ADGRB3: variants seen among roughly 807,000 people sequenced by gnomAD.
ADGRB3 encodes the protein adhesion G protein-coupled receptor B3, also known as brain-specific angiogenesis inhibitor 3.
ADGRB3 carries 37 observed loss-of-function variants against 193.4 expected under a neutral mutation model. The observed-to-expected ratio is 0.19, with a 90% CI of 0.15 to 0.25. The LOEUF (loss-of-function observed/expected upper bound fraction) is 0.25. Among genes scored for constraint, ADGRB3 ranks in the 10% least tolerant of loss-of-function variants. ADGRB3 has a pLI of 1.00. For synonymous variants in ADGRB3, 690 were observed against 644.2 expected (o/e 1.07, Z -1.08); for missense variants, 1,637 against 1,852.9 (o/e 0.88, Z 2.14).
At chr6:68,829,963 A>G (rs1225942990) in intron 3 of ADGRB3, among the ~76,000 whole-genome samples, 1 of 152,194 alleles carries the variant, frequency 6.6e-6, no homozygotes, top group Admixed American at 6.5e-5. Flanking sequence ...TCTGCTATTC[A>G]GACATACCAA....
chr6:68,839,696 A>G (rs1768114150), intron 3 of ADGRB3, among the ~76,000 whole-genome samples: 1 of 152,172 alleles, frequency 6.6e-6, no homozygotes, highest in African/African-American at 2.4e-5. Context: ...GAACCACCAA[A>G]TGTAACACCT....
chr6:69,320,701 T>G (rs907540019), intron 20 of ADGRB3, among the ~76,000 whole-genome samples: 1 of 151,704 alleles, frequency 6.6e-6, no homozygotes, highest in Non-Finnish European at 1.5e-5. Context: ...AAGAACCTGA[T>G]GTCAATCTGA....
intron 20 of ADGRB3, among the ~76,000 whole-genome samples, chr6:69,268,382 T>C (rs1442596928): frequency 6.6e-6 from 1 of 152,164 alleles, no homozygotes; most frequent in Non-Finnish European, 1.5e-5. Context: ...TTGGGATGAG[T>C]AGGAAGTCAG....
chr6:69,239,127 C>T lies in ADGRB3; in HGVS notation c.2715C>T (p.Tyr905=). ...LAVVYAALWR[Y]IRSERSIILI... is the part of the protein sequence containing the mutation. The stretch of plus-strand genomic sequence containing the variant: ...TAACTTTTCTCTCTCTGGCTAGGTA[C>T]ATACGCTCTGAGAGATCCATAATAC... The change falls in exon 20 of 32, where the codon TAC becomes TAT. Residue 905 remains tyrosine, a synonymous_variant. Transcript: ENST00000370598. 1 of 1,576,532 alleles carries T rather than the reference C, an allele frequency of 6.3e-7. No homozygotes were observed. Among genetic ancestry groups the T allele is most frequent in the Non-Finnish European group, 8.7e-7 (1 of 1,147,690 alleles).
At chr6:69,007,803 A>G (rs1279687020) in intron 11 of ADGRB3, among the ~76,000 whole-genome samples, 1 of 151,988 alleles carries the variant, frequency 6.6e-6, no homozygotes, top group Admixed American at 6.6e-5. Flanking sequence ...TTGTGATGCT[A>G]TAACAAAATA....
intron 3 of ADGRB3, among the ~76,000 whole-genome samples, chr6:68,764,786 A>C (rs1317212595): frequency 7.2e-6 from 1 of 138,898 alleles, no homozygotes; most frequent in Non-Finnish European, 1.5e-5. Flanking sequence ...GATTAACTTA[A>C]ATCAATTAAT....
At chr6:69,273,871 G>A (rs1355232814) in intron 20 of ADGRB3, among the ~76,000 whole-genome samples, 2 of 152,092 alleles carry the variant, frequency 1.3e-5, no homozygotes, top group African/African-American at 4.8e-5. Context: ...TCTGTCACTG[G>A]GGGTAAATTC....
chr6:68,976,960 ATATT>A (rs2150266583), intron 10 of ADGRB3, among the ~76,000 whole-genome samples: 1 of 150,116 alleles, frequency 6.7e-6, no homozygotes, highest in African/African-American at 2.4e-5. Context: ...ATATTTTTTT[ATATT>A]TATCACATAA....
chr6:69,278,338 A>G (rs570989345), intron 20 of ADGRB3, among the ~76,000 whole-genome samples: 171 of 152,350 alleles, frequency 1.1e-3, no homozygotes, highest in African/African-American at 3.9e-3. Context: ...TCAAGACATT[A>G]AAAAATGTTA....
intron 3 of ADGRB3, among the ~76,000 whole-genome samples, chr6:68,846,612 A>G (rs1290065831): frequency 6.6e-6 from 1 of 152,144 alleles, no homozygotes; most frequent in East Asian, 1.9e-4. Flanking sequence ...GAAGCCCAAA[A>G]CCTTGGCAGC....
chr6:69,057,160 A>G (rs1282665950), intron 15 of ADGRB3, among the ~76,000 whole-genome samples: 1 of 151,954 alleles, frequency 6.6e-6, no homozygotes, highest in African/African-American at 2.4e-5. Flanking sequence ...TGCTTTTTAA[A>G]TGGGATTCTT....
At chr6:69,238,904 A>C (rs1347691773) in intron 19 of ADGRB3, among the ~76,000 whole-genome samples, 1 of 152,034 alleles carries the variant, frequency 6.6e-6, no homozygotes, top group African/African-American at 2.4e-5. Flanking sequence ...CTAAGAAAAA[A>C]AAATTCTAAA....
intron 17 of ADGRB3, among the ~76,000 whole-genome samples, chr6:69,224,416 A>T (rs1765963213): frequency 6.6e-6 from 1 of 152,186 alleles, no homozygotes; most frequent in African/African-American, 2.4e-5. Context: ...TGCAAATTAT[A>T]TTAGGCGAAA....
intron 3 of ADGRB3, among the ~76,000 whole-genome samples, chr6:68,809,568 A>G (rs1280279547): frequency 3.3e-5 from 5 of 152,216 alleles, no homozygotes; most frequent in Admixed American, 3.3e-4. Context: ...GATTATAAAC[A>G]TGTTTCTCTA....
intron 12 of ADGRB3, 62 bp downstream of exon 12, chr6:69,014,168 T>A: frequency 8.4e-7 from 1 of 1,186,190 alleles, no homozygotes; most frequent in Non-Finnish European, 1.2e-6. Context: ...AATATGTGAC[T>A]AAATTAATGG....
intron 3 of ADGRB3, among the ~76,000 whole-genome samples, chr6:68,777,310 C>T (rs12529506): frequency 0.042 from 6,412 of 152,194 alleles, 238 homozygotes; most frequent in Non-Finnish European, 0.057. Context: ...CAATTATCTT[C>T]AAACGTCAAC....
At chr6:69,239,675 T>C (rs1053989976) in intron 20 of ADGRB3, among the ~76,000 whole-genome samples, 3 of 152,038 alleles carry the variant, frequency 2.0e-5, no homozygotes, top group African/African-American at 7.2e-5. Context: ...CTGAAAAATA[T>C]CCATAGGCAA....
At position 68,997,732 on chromosome 6, in the gene ADGRB3, C is replaced by A. The variant is rs538878432; in HGVS notation, c.1929+3770C>A. 1.1e-3 allele frequency among the ~76,000 whole-genome samples: 170 copies of A among 151,888 alleles called. 1 individual carries two copies. The highest frequency in any genetic ancestry group is 2.1e-3 in the Non-Finnish European group (145 of 67,950). On this transcript the variant is annotated intron_variant, in intron 11 of 31. Coordinates refer to ENST00000370598, the MANE Select transcript of ADGRB3 (RefSeq NM_001704.3). ...AGAATTGGCCTGATTCCTCCCAACACATGAGGTCCTTAAGTTAAAATGACT... is the reference window on the plus strand; with the variant it reads ...AGAATTGGCCTGATTCCTCCCAACAAATGAGGTCCTTAAGTTAAAATGACT...
At chr6:69,262,723 C>T (rs938971662) in intron 20 of ADGRB3, among the ~76,000 whole-genome samples, 1 of 151,858 alleles carries the variant, frequency 6.6e-6, no homozygotes, top group Non-Finnish European at 1.5e-5. Context: ...AATTTTATTA[C>T]AGTATATTGT....
Sources: allele counts gnomAD v4.1 joint callset (sites outside exome capture counted in the v4.1 genomes callset), GRCh38; gene constraint gnomAD v4.1.1; transcripts MANE v1.5; gene names NCBI Gene and HGNC (gene_info 2026-07-23, HGNC 2026-07-21).